Variants in SPECC1L observed in about 807,000 individuals in gnomAD.
SPECC1L encodes cytospin-A.
A neutral mutation model predicts 116.8 loss-of-function variants in SPECC1L; 40 were observed. The ratio of observed to expected loss-of-function variants is 0.34; its 90% CI spans 0.27 to 0.45. SPECC1L has a LOEUF of 0.45. Among genes scored for constraint, SPECC1L ranks in the 20% least tolerant of loss-of-function variants. The pLI is 1.00. For missense variants in SPECC1L, 1,110 were observed against 1,373.6 expected (o/e 0.81, Z 3.03); for synonymous variants, 504 against 500.6 (o/e 1.01, Z -0.09).
intron 4 of SPECC1L, among the ~76,000 whole-genome samples, chr22:24,316,967 T>G (rs2146455681): frequency 9.0e-6 from 1 of 111,052 alleles, no homozygotes; most frequent in African/African-American, 3.2e-5. Context: ...AGCTCCTCAC[T>G]TCCCAGTAGG....
chr22:24,412,619 G>C (rs201623773), intron 15 of SPECC1L, 29 bp from the exon 16 acceptor site: 3 of 1,612,582 alleles, frequency 1.9e-6, no homozygotes, highest in Non-Finnish European at 2.5e-6. Flanking sequence ...CCTTGTTCAT[G>C]CACTGCAGTG....
chr22:24,325,895 A>G (rs1161209585), intron 6 of SPECC1L, among the ~76,000 whole-genome samples: 4 of 152,170 alleles, frequency 2.6e-5, no homozygotes, highest in Non-Finnish European at 4.4e-5. Flanking sequence ...AACAATTTTC[A>G]GCAAATTTCA....
intron 2 of SPECC1L, among the ~76,000 whole-genome samples, chr22:24,298,298 C>CAACTTACGATATTTTT (rs1425054222): frequency 6.6e-6 from 1 of 152,170 alleles, no homozygotes; most frequent in African/African-American, 2.4e-5. Flanking sequence ...ATGATATTTT[C>CAACTTACGATATTTTT]AACTTACGAT....
chr22:24,278,367 GAAA>G (rs1034721757), intron 2 of SPECC1L, among the ~76,000 whole-genome samples: 1 of 148,100 alleles, frequency 6.8e-6, no homozygotes, highest in Non-Finnish European at 1.5e-5. Context: ...TTTCAGGGAA[GAAA>G]AAAAAAAGTG....
rs2042253331 is a variant in SPECC1L, at chr22:24,390,872, C to CTTTTCTTT, written c.3088-20712_3088-20711insCTTTTTTT. The stretch of plus-strand genomic sequence containing the variant: ...TGTTCCTTTTTTTTTTTTTTCTTTT[C>CTTTTCTTT]TTTTTTTTTTTTTTTTTTTTTTTTT... On this transcript the variant is annotated intron_variant, in intron 14 of 16. Transcript: ENST00000314328. 3.3e-4 allele frequency among the ~76,000 whole-genome samples: 19 copies of CTTTTCTTT among 57,118 alleles called. 1 individual carries two copies. Among genetic ancestry groups the CTTTTCTTT allele is most frequent in the African/African-American group, 1.4e-3 (18 of 13,208 alleles). The allele number at this position is 57,118 out of a possible 152,430, so 37.5% of individuals were successfully genotyped here.
chr22:24,408,204 A>G (rs143586934), intron 14 of SPECC1L, among the ~76,000 whole-genome samples: 40 of 152,310 alleles, frequency 2.6e-4, no homozygotes, highest in East Asian at 1.2e-3. Flanking sequence ...TGAGATTCCA[A>G]TGAGATCAAA....
At chr22:24,338,320 G>A in intron 9 of SPECC1L, 66 bp from the exon 10 acceptor site, 1 of 1,511,778 alleles carries the variant, frequency 6.6e-7, no homozygotes, top group Non-Finnish European at 9.2e-7. Flanking sequence ...GAGTCCTTAA[G>A]TGGAGACCAG....
chr22:24,414,679 G>T lies in SPECC1L; in HGVS notation c.*56G>T. The T allele has an allele frequency of 6.7e-7, 1 of 1,490,302 alleles. No homozygotes were observed. The highest frequency in any genetic ancestry group is 1.1e-5 in the South Asian group (1 of 87,872). 92.3% of individuals were successfully genotyped at this position (1,490,302 alleles called of 1,614,324 possible). On this transcript the variant is annotated 3_prime_UTR_variant, in exon 17 of 17. Coordinates refer to ENST00000314328, the MANE Select transcript of SPECC1L (RefSeq NM_015330.6). ...GGGTACCCCTCCACAGCGACCGAGC[G>T]ACACCGACGCCATTAGCTACGCACC... is the stretch of plus-strand genomic sequence containing the variant.
chr22:24,385,591 A>G (rs1225352548), intron 14 of SPECC1L, among the ~76,000 whole-genome samples: 1 of 152,238 alleles, frequency 6.6e-6, no homozygotes, highest in East Asian at 1.9e-4. Context: ...AAATATTACT[A>G]GAGATTGAGA....
At chr22:24,331,758 C>T (rs1297721228) in intron 8 of SPECC1L, among the ~76,000 whole-genome samples, 1 of 152,118 alleles carries the variant, frequency 6.6e-6, no homozygotes, top group African/African-American at 2.4e-5. Context: ...CAAGTGTAAA[C>T]TGTTGATGAA....
At chr22:24,390,872 C>CTTTTCTTTTTTTTTTTTTTTTTTTTTT (rs2042253331) in intron 14 of SPECC1L, among the ~76,000 whole-genome samples, 1 of 57,112 alleles carries the variant, frequency 1.8e-5, no homozygotes. Context: ...TTTTTCTTTT[C>CTTTTCTTTTTTTTTTTTTTTTTTTTTT]TTTTTTTTTT....
At chr22:24,288,257 C>CT (rs2049082646) in intron 2 of SPECC1L, among the ~76,000 whole-genome samples, 5 of 152,094 alleles carry the variant, frequency 3.3e-5, no homozygotes, top group Admixed American at 1.3e-4. Context: ...CTGTATAATT[C>CT]TTTGTCGTGG....
chr22:24,298,322 C>T (rs2049307958), intron 2 of SPECC1L, among the ~76,000 whole-genome samples: 2 of 152,108 alleles, frequency 1.3e-5, no homozygotes, highest in Non-Finnish European at 2.9e-5. Context: ...TTTATTCCAT[C>T]ATAAGTTGAG....
rs548017612 is a variant in SPECC1L at position 24,313,349 on chromosome 22, G to A, written c.190G>A (p.Gly64Arg). The change falls in exon 4 of 17, where the codon GGA (glycine) becomes AGA (arginine). Residue 64 changes from glycine (G) to arginine (R), a missense_variant. By Grantham distance (125) the Gly-to-Arg change is moderately radical. Transcript: ENST00000314328. ...TGATGACCTTTTAGCTGGAATGGCC[G>A]GAGGGGTAACGGTGACTAATGGTGT... is the stretch of plus-strand genomic sequence containing the variant. ...SSDDLLAGMA[G>R]GVTVTNGVKG... 34 of 1,614,094 alleles carry A rather than the reference G, an allele frequency of 2.1e-5. No homozygotes were observed. The South Asian group carries it at 2.6e-4, about 13-fold the overall frequency.
rs147002295 is a variant in SPECC1L at position 24,342,608 on chromosome 22, G to A, written c.2652+4131G>A. On this transcript the variant is annotated intron_variant, in intron 10 of 16. Coordinates refer to ENST00000314328, the MANE Select transcript of SPECC1L (RefSeq NM_015330.6). The stretch of plus-strand genomic sequence containing the variant: ...GAATCGCTTGAACCCAGGAGGGGGA[G>A]GTTGCAATGAGCTGAGATTGTGCCA... Among the ~76,000 whole-genome samples the A allele has an allele frequency of 2.5e-4, 38 of 150,958 alleles. No individual in the cohort carries two copies. The East Asian group carries it at 6.2e-3, about 25-fold the overall frequency.
In SPECC1L at chr22:24,363,317, G is replaced by T. The variant is rs374902995; in HGVS notation, c.2800G>T (p.Ala934Ser). The change falls in exon 12 of 17, where the codon GCG becomes TCG. Residue 934 changes from alanine (A) to serine (S), a missense_variant. Physicochemically the swap from Ala to Ser is moderately conservative, Grantham distance 99. This residue lies in a region of SPECC1L where 575 missense variants were observed against 682.4 expected (regional missense o/e 0.84). Transcript: ENST00000314328. Reference sequence around the variant, plus strand: ...GCCTGCTTCCCTGCCAAGAGTGCCTGCGATGGAAAGTGCCAAGACCCTCTC... The same window carrying T: ...GCCTGCTTCCCTGCCAAGAGTGCCTTCGATGGAAAGTGCCAAGACCCTCTC... Reference protein sequence around the residue: ...SRPASLPRVPAMESAKTLSVS... With the variant: ...SRPASLPRVPSMESAKTLSVS... 1 of 1,614,162 alleles carries T rather than the reference G, an allele frequency of 6.2e-7. No homozygotes were observed. The highest frequency in any genetic ancestry group is 2.2e-5 in the East Asian group (1 of 44,884).
chr22:24,329,506 A>G (rs2040895007), intron 7 of SPECC1L, among the ~76,000 whole-genome samples: 1 of 152,208 alleles, frequency 6.6e-6, no homozygotes, highest in Non-Finnish European at 1.5e-5. Flanking sequence ...TGCTGCAGGG[A>G]GTAGGGAGAA....
intron 14 of SPECC1L, among the ~76,000 whole-genome samples, chr22:24,402,934 A>G (rs1475363489): frequency 6.6e-6 from 1 of 152,182 alleles, no homozygotes; most frequent in Non-Finnish European, 1.5e-5. Flanking sequence ...TGGCTTTCAC[A>G]TCCCACCCTA....
At chr22:24,386,859 C>T (rs2042169870) in intron 14 of SPECC1L, among the ~76,000 whole-genome samples, 1 of 152,190 alleles carries the variant, frequency 6.6e-6, no homozygotes. Flanking sequence ...CCACCTCGGC[C>T]TCCTAAAGTG....
Sources: allele counts gnomAD v4.1 joint callset (sites outside exome capture counted in the v4.1 genomes callset), GRCh38; gene constraint gnomAD v4.1.1; regional missense constraint gnomAD v4.1.1; transcripts MANE v1.5; gene names NCBI Gene and HGNC (gene_info 2026-07-23, HGNC 2026-07-21).